COL24A1: variants seen among roughly 807,000 people sequenced by gnomAD.
COL24A1 encodes the protein collagen alpha-1(XXIV) chain.
A neutral mutation model predicts 253.9 loss-of-function variants in COL24A1; 224 were observed. The ratio of observed to expected loss-of-function variants is 0.88; its 90% CI spans 0.79 to 0.99. The LOEUF (loss-of-function observed/expected upper bound fraction) is 0.99, where lower values mean the gene tolerates loss of function less well. Ranked by LOEUF, COL24A1 falls within the 50% of genes least tolerant of loss-of-function variation. COL24A1 has a pLI of 0.00. For missense variants in COL24A1, 2,131 were observed against 2,068.5 expected, an observed-to-expected ratio of 1.03 and a Z score of -0.59; for synonymous variants, 685 against 673.7, an observed-to-expected ratio of 1.02 and a Z score of -0.26.
chr1:86,057,012 G>A (rs981765478), intron 10 of COL24A1, among the ~76,000 whole-genome samples: 13 of 152,160 alleles, frequency 8.5e-5, no homozygotes, highest in African/African-American at 2.6e-4. Flanking sequence ...TATATGATAT[G>A]GTTTGGATGT....
At chr1:86,082,178 C>A (rs906998426) in intron 7 of COL24A1, among the ~76,000 whole-genome samples, 17 of 152,084 alleles carry the variant, frequency 1.1e-4, no homozygotes, top group African/African-American at 4.1e-4. Context: ...AAAGGATTTG[C>A]CTCTGGCACT....
chr1:86,151,277 A>G (rs1490811630), intron 1 of COL24A1, among the ~76,000 whole-genome samples: 1 of 152,182 alleles, frequency 6.6e-6, no homozygotes, highest in Non-Finnish European at 1.5e-5. Flanking sequence ...TATATTAAAC[A>G]TGAACAATTT....
chr1:86,044,554 T>C (rs1472153040), intron 12 of COL24A1, among the ~76,000 whole-genome samples: 2 of 152,198 alleles, frequency 1.3e-5, no homozygotes, highest in Non-Finnish European at 2.9e-5. Flanking sequence ...CAAATGCATA[T>C]ATTTTAAAAG....
At chr1:86,035,321 A>C (rs1186991514) in intron 12 of COL24A1, among the ~76,000 whole-genome samples, 1 of 152,192 alleles carries the variant, frequency 6.6e-6, no homozygotes, top group Admixed American at 6.5e-5. Flanking sequence ...AGTATGAGCT[A>C]ACATGGATAC....
At chr1:85,835,120 C>CAT (rs577103576) in intron 43 of COL24A1, among the ~76,000 whole-genome samples, 42 of 151,266 alleles carry the variant, frequency 2.8e-4, no homozygotes, top group African/African-American at 6.5e-4. Context: ...TGACCAGAGA[C>CAT]ATATATATAT....
chr1:85,911,563 C>G, intron 24 of COL24A1, 130 bp from the exon 25 acceptor site: 3 of 785,302 alleles, frequency 3.8e-6, no homozygotes, highest in South Asian at 3.1e-5. Context: ...GAGTAAAATT[C>G]CTCCTTGTAT....
At chr1:86,127,980 A>G (rs889665483) in intron 2 of COL24A1, among the ~76,000 whole-genome samples, 4 of 152,092 alleles carry the variant, frequency 2.6e-5, no homozygotes. Flanking sequence ...TTGTAATTTC[A>G]TGACATTTTT....
At chr1:86,077,321 T>G (rs1454071575) in intron 7 of COL24A1, among the ~76,000 whole-genome samples, 4 of 152,102 alleles carry the variant, frequency 2.6e-5, no homozygotes, top group Non-Finnish European at 5.9e-5. Flanking sequence ...TGGTGATCAT[T>G]AAAAAGCCAG....
At chr1:85,954,307 T>C (rs1690221741) in intron 24 of COL24A1, among the ~76,000 whole-genome samples, 1 of 152,204 alleles carries the variant, frequency 6.6e-6, no homozygotes, top group Non-Finnish European at 1.5e-5. Context: ...CATAATATGG[T>C]ACATGTGGCC....
intron 24 of COL24A1, among the ~76,000 whole-genome samples, chr1:85,945,000 GT>G (rs1358644335): frequency 1.4e-4 from 5 of 36,124 alleles, no homozygotes; most frequent in African/African-American, 1.9e-4. Context: ...GTCTATCATT[GT>G]GTTTTTTTTT....
intron 12 of COL24A1, among the ~76,000 whole-genome samples, chr1:86,039,708 G>C (rs531165818): frequency 6.6e-6 from 1 of 152,242 alleles, no homozygotes; most frequent in African/African-American, 2.4e-5. Context: ...AGACTAACTT[G>C]TCTAGAATTA....
intron 24 of COL24A1, among the ~76,000 whole-genome samples, chr1:85,924,653 T>G (rs1686969440): frequency 6.6e-6 from 1 of 152,216 alleles, no homozygotes; most frequent in African/African-American, 2.4e-5. Context: ...ATAAACTAGG[T>G]ATTGATGGAA....
chr1:86,097,893 G>A (rs1392936800), intron 5 of COL24A1, among the ~76,000 whole-genome samples: 2 of 152,034 alleles, frequency 1.3e-5, no homozygotes, highest in Admixed American at 6.6e-5. Context: ...TCTCCACTTG[G>A]ATGTTAAATA....
At chr1:85,879,550 T>A (rs1170519832) in intron 32 of COL24A1, among the ~76,000 whole-genome samples, 1 of 152,206 alleles carries the variant, frequency 6.6e-6, no homozygotes, top group African/African-American at 2.4e-5. Context: ...GTTAAAAATC[T>A]GAGTACAACT....
chr1:85,939,490 T>G (rs1183893239), intron 24 of COL24A1, among the ~76,000 whole-genome samples: 1 of 152,132 alleles, frequency 6.6e-6, no homozygotes, highest in Non-Finnish European at 1.5e-5. Context: ...TGTAAGAAAA[T>G]AGCATTTGGT....
intron 47 of COL24A1, among the ~76,000 whole-genome samples, chr1:85,796,086 G>T (rs1172544854): frequency 3.9e-5 from 6 of 152,104 alleles, no homozygotes; most frequent in Non-Finnish European, 8.8e-5. Context: ...CTAGAAATAA[G>T]ATTTATGAAT....
At chr1:85,880,412 T>G (rs988992708) in intron 32 of COL24A1, among the ~76,000 whole-genome samples, 17 of 152,184 alleles carry the variant, frequency 1.1e-4, no homozygotes, top group African/African-American at 4.1e-4. Flanking sequence ...TTTCGGGAGT[T>G]TAAAAAATCA....
At chr1:86,078,605 T>G (rs1271507440) in intron 7 of COL24A1, among the ~76,000 whole-genome samples, 2 of 152,168 alleles carry the variant, frequency 1.3e-5, no homozygotes, top group Non-Finnish European at 2.9e-5. Flanking sequence ...GGTAAACAAA[T>G]TCAGTTAAGT....
chr1:85,875,716 GACACACACACAC>G (rs141827930), intron 33 of COL24A1, among the ~76,000 whole-genome samples: 117 of 141,106 alleles, frequency 8.3e-4, no homozygotes, highest in Middle Eastern at 3.5e-3. Context: ...CATTATAAAA[GACACACACACAC>G]ACACACACAC....
Sources: allele counts gnomAD v4.1 joint callset (sites outside exome capture counted in the v4.1 genomes callset), GRCh38; gene constraint gnomAD v4.1.1; transcripts MANE v1.5; gene names NCBI Gene and HGNC (gene_info 2026-07-23, HGNC 2026-07-21).